The following CPNE4 variants were observed in gnomAD, a reference collection of about 807,000 sequenced individuals.
CPNE4 encodes copine-4.
Under a neutral mutation model 67.9 loss-of-function variants are expected in CPNE4, and 25 were observed. The observed-to-expected ratio is 0.37, with a 90% CI of 0.27 to 0.51. CPNE4 has a LOEUF of 0.51. Ranked by LOEUF, CPNE4 falls within the 20% of genes least tolerant of loss-of-function variation. The probability of loss-of-function intolerance (pLI) is 0.93; values close to 1 mark genes in which losing one functional copy is unlikely to be tolerated. For missense variants in CPNE4, 464 were observed against 690.8 expected, an observed-to-expected ratio of 0.67 and a Z score of 3.68; for synonymous variants, 242 against 244.9, an observed-to-expected ratio of 0.99 and a Z score of 0.11.
intron 3 of CPNE4, among the ~76,000 whole-genome samples, chr3:131,706,879 A>T (rs1264788092): frequency 6.6e-6 from 1 of 152,152 alleles, no homozygotes; most frequent in Non-Finnish European, 1.5e-5. Context: ...TCTATCTATG[A>T]TCCCAATGCC....
At chr3:131,882,551 TAACA>T (rs2087718900) in intron 2 of CPNE4, among the ~76,000 whole-genome samples, 1 of 152,208 alleles carries the variant, frequency 6.6e-6, no homozygotes, top group African/African-American at 2.4e-5. Context: ...CAGCACTTCC[TAACA>T]ATCATATTTC....
At chr3:131,830,599 G>T (rs988370206) in intron 2 of CPNE4, among the ~76,000 whole-genome samples, 1 of 152,090 alleles carries the variant, frequency 6.6e-6, no homozygotes, top group African/African-American at 2.4e-5. Flanking sequence ...CTTCAATGAA[G>T]CCTGCTCAGA....
At chr3:131,878,098 T>C (rs1266111657) in intron 2 of CPNE4, among the ~76,000 whole-genome samples, 1 of 152,156 alleles carries the variant, frequency 6.6e-6, no homozygotes, top group Non-Finnish European at 1.5e-5. Flanking sequence ...CTAAACATAG[T>C]CTCGCCTATC....
At chr3:132,019,781 G>A (rs2073954425) in intron 1 of CPNE4, among the ~76,000 whole-genome samples, 1 of 152,092 alleles carries the variant, frequency 6.6e-6, no homozygotes, top group Non-Finnish European at 1.5e-5. Flanking sequence ...GTTCTAATAA[G>A]AATTAGAACT....
At chr3:131,547,748 G>C (rs535334769) in intron 14 of CPNE4, among the ~76,000 whole-genome samples, 1 of 152,190 alleles carries the variant, frequency 6.6e-6, no homozygotes, top group South Asian at 2.1e-4. Flanking sequence ...AGGGTCTCCA[G>C]TCCTTTTCAC....
Position 131,941,535 on chromosome 3 carries a change from A to T in CPNE4, c.-1-36091T>A, listed in dbSNP as rs12634058. ...TACAGCTTATTATCTACAGCTACTG[A>T]TGAGAAAACCAAGGCCCAAAGAAAA... On this transcript the variant is annotated intron_variant, in intron 1 of 15. Coordinates refer to ENST00000429747, the MANE Select transcript of CPNE4 (RefSeq NM_130808.3). Among the ~76,000 whole-genome samples, 899 of 152,140 alleles carry T rather than the reference A, an allele frequency of 5.9e-3. 27 individuals are homozygous for T. The East Asian group carries it at 0.091, about 15-fold the overall frequency.
At chr3:131,766,977 C>G (rs1358248485) in intron 2 of CPNE4, among the ~76,000 whole-genome samples, 1 of 152,008 alleles carries the variant, frequency 6.6e-6, no homozygotes, top group East Asian at 1.9e-4. Flanking sequence ...GGGATGGAGA[C>G]AGGAAAGGAA....
At chr3:131,619,934 C>T (rs143474399) in intron 7 of CPNE4, among the ~76,000 whole-genome samples, 1 of 152,304 alleles carries the variant, frequency 6.6e-6, no homozygotes, top group Non-Finnish European at 1.5e-5. Flanking sequence ...ATTGACAGGA[C>T]TTGACTGATT....
At chr3:131,983,725 C>T (rs1227033951) in intron 1 of CPNE4, among the ~76,000 whole-genome samples, 1 of 152,160 alleles carries the variant, frequency 6.6e-6, no homozygotes, top group Non-Finnish European at 1.5e-5. Flanking sequence ...TCCTTAATGT[C>T]TGTGGAGCCA....
chr3:131,708,428 A>G (rs189347684), intron 3 of CPNE4, among the ~76,000 whole-genome samples: 16 of 152,304 alleles, frequency 1.1e-4, no homozygotes, highest in Admixed American at 9.8e-4. Flanking sequence ...GTCTGGGCTC[A>G]AAGAAGAGTC....
intron 2 of CPNE4, among the ~76,000 whole-genome samples, chr3:131,874,094 C>CTTT (rs11398327): frequency 6.9e-6 from 1 of 145,832 alleles, no homozygotes. Context: ...TGTTTCTTTT[C>CTTT]TTTTTTTTTT....
At chr3:131,634,316 A>T (rs1279513292) in intron 7 of CPNE4, among the ~76,000 whole-genome samples, 2 of 152,212 alleles carry the variant, frequency 1.3e-5, no homozygotes, top group Non-Finnish European at 2.9e-5. Flanking sequence ...AAATGCCAAG[A>T]TTGGCAAATA....
intron 2 of CPNE4, among the ~76,000 whole-genome samples, chr3:131,744,951 AG>A (rs1465546658): frequency 5.9e-5 from 9 of 152,190 alleles, no homozygotes; most frequent in Non-Finnish European, 1.2e-4. Flanking sequence ...TAAACGCCCA[AG>A]TGTGCAATTG....
chr3:131,949,326 A>G (rs2071651025), intron 1 of CPNE4, among the ~76,000 whole-genome samples: 2 of 152,206 alleles, frequency 1.3e-5, no homozygotes, highest in Admixed American at 6.5e-5. Context: ...TTGAGCATCA[A>G]TTCATATCAG....
At chr3:131,885,472 T>C (rs899196931) in intron 2 of CPNE4, among the ~76,000 whole-genome samples, 3 of 151,910 alleles carry the variant, frequency 2.0e-5, no homozygotes, top group Admixed American at 1.3e-4. Context: ...ATACAGCACC[T>C]GTTGCAGTGG....
intron 1 of CPNE4, among the ~76,000 whole-genome samples, chr3:131,989,409 T>TTCTCATATCTGTTTTCCTG (rs1374632983): frequency 2.2e-5 from 3 of 138,560 alleles, no homozygotes; most frequent in Non-Finnish European, 3.3e-5. Flanking sequence ...CATCAAACAC[T>TTCTCATATCTGTTTTCCTG]GTAGGTGAGT....
chr3:131,632,451 A>C (rs2079254994), intron 7 of CPNE4, among the ~76,000 whole-genome samples: 1 of 152,146 alleles, frequency 6.6e-6, no homozygotes, highest in Non-Finnish European at 1.5e-5. Flanking sequence ...ACTTTTGCCA[A>C]CACCACTCTG....
intron 2 of CPNE4, among the ~76,000 whole-genome samples, chr3:131,854,250 G>A (rs984426225): frequency 2.6e-5 from 4 of 151,796 alleles, no homozygotes; most frequent in African/African-American, 9.7e-5. Context: ...AAAACATAAT[G>A]TTGAGAGAGA....
At chr3:131,740,478 GTCATACCAAATGCATCCTTTCC>G (rs2082330650) in intron 2 of CPNE4, among the ~76,000 whole-genome samples, 1 of 152,066 alleles carries the variant, frequency 6.6e-6, no homozygotes, top group African/African-American at 2.4e-5. Flanking sequence ...AAACCTTAGG[GTCATACCAAATGCATCCTTTCC>G]TCACATTTCC....
Sources: gnomAD v4.1 joint callset for allele counts (sites outside exome capture counted in the v4.1 genomes callset) on GRCh38, gnomAD v4.1.1 for gene constraint, MANE v1.5 for transcripts, NCBI Gene and HGNC (gene_info 2026-07-23, HGNC 2026-07-21) for gene names.